SLC13A2: variants seen among roughly 807,000 people sequenced by gnomAD.
SLC13A2 encodes Na(+)-coupled citrate transporter.
A neutral mutation model predicts 58.5 loss-of-function variants in SLC13A2; 40 were observed. The observed-to-expected ratio is 0.68, with a 90% CI of 0.53 to 0.89. The LOEUF (loss-of-function observed/expected upper bound fraction) is 0.89, where lower values mean the gene tolerates loss of function less well. Ranked by LOEUF, SLC13A2 falls within the 40% of genes least tolerant of loss-of-function variation. The pLI is 0.00. For missense variants in SLC13A2, 694 were observed against 772.6 expected (o/e 0.90, Z 1.21); for synonymous variants, 341 against 331.6 (o/e 1.03, Z -0.31).
At chr17:28,489,404 C>T in intron 2 of SLC13A2, 62 bp downstream of exon 2, 1 of 1,543,758 alleles carries the variant, frequency 6.5e-7, no homozygotes, top group Admixed American at 1.9e-5. Context: ...GGTGGGTTCC[C>T]TCAGCCCTTG....
chr17:28,476,445 C>T (rs534992874), intron 1 of SLC13A2, among the ~76,000 whole-genome samples: 3 of 152,088 alleles, frequency 2.0e-5, no homozygotes, highest in Non-Finnish European at 4.4e-5. Context: ...ACACTGGCTT[C>T]CTGTCAAACT....
Position 28,490,593 on chromosome 17 carries a change from G to A in SLC13A2, c.368+3G>A. ...ATCGTTGGGGTGCGGCCTGCCCCGT[G>A]AGTTCCTCCTGCAAACCAGCACGGG... is the stretch of plus-strand genomic sequence containing the variant. On this transcript the variant is annotated splice_donor_region_variant and intron_variant, in intron 3 of 11. Transcript: ENST00000314669. The A allele has an allele frequency of 6.3e-7, 1 of 1,594,910 alleles. No individual in the cohort carries two copies. The highest frequency in any genetic ancestry group is 8.6e-7 in the Non-Finnish European group (1 of 1,166,706).
intron 1 of SLC13A2, among the ~76,000 whole-genome samples, chr17:28,474,834 G>C (rs1443405866): frequency 6.6e-6 from 1 of 152,114 alleles, no homozygotes; most frequent in Non-Finnish European, 1.5e-5. Context: ...CCACCCTGCT[G>C]CCTCCTGCCC....
At chr17:28,478,998 G>A (rs1230927446) in intron 1 of SLC13A2, among the ~76,000 whole-genome samples, 2 of 152,052 alleles carry the variant, frequency 1.3e-5, no homozygotes, top group Non-Finnish European at 2.9e-5. Flanking sequence ...TGGGTGGATC[G>A]CTTGAGTTCA....
chr17:28,492,182 G>A (rs1386570441), intron 6 of SLC13A2, among the ~76,000 whole-genome samples: 1 of 152,178 alleles, frequency 6.6e-6, no homozygotes, highest in Non-Finnish European at 1.5e-5. Flanking sequence ...CACTGAGCAT[G>A]GTTAGTTACA....
chr17:28,476,227 C>T (rs569430274), intron 1 of SLC13A2, among the ~76,000 whole-genome samples: 1 of 152,252 alleles, frequency 6.6e-6, no homozygotes, highest in South Asian at 2.1e-4. Context: ...TCCCCGCCCT[C>T]GGATCCACTG....
intron 6 of SLC13A2, among the ~76,000 whole-genome samples, chr17:28,492,234 A>T (rs1382106692): frequency 1.3e-5 from 2 of 152,196 alleles, no homozygotes; most frequent in East Asian, 3.8e-4. Flanking sequence ...GGTTGTGTGT[A>T]AGGCACTGAG....
chr17:28,483,841 A>G (rs1249613143), intron 1 of SLC13A2, among the ~76,000 whole-genome samples: 1 of 152,222 alleles, frequency 6.6e-6, no homozygotes, highest in African/African-American at 2.4e-5. Context: ...TTGCCCAAGG[A>G]CACACAGCAG....
In SLC13A2 at chr17:28,493,785, G is replaced by A. The variant is rs2151462554; in HGVS notation, c.1093G>A (p.Glu365Lys). 1 of 1,614,168 alleles carries A rather than the reference G, an allele frequency of 6.2e-7. No individual in the cohort carries two copies. Among genetic ancestry groups the A allele is most frequent in the Non-Finnish European group, 8.5e-7 (1 of 1,180,040 alleles). ...GNLAFPNAKG[E>K]SMVSDGTVAI... ...TTTGGCTTTTCCCAATGCCAAGGGG[G>A]AGAGGTGAGAGTTGCAGGGGTTGGG... is the stretch of plus-strand genomic sequence containing the variant. The change falls in exon 7 of 12, where the codon GAG (glutamate) becomes AAG (lysine). Residue 365 changes from glutamate (E) to lysine (K), a missense_variant. Transcript: ENST00000314669.
In SLC13A2 at chr17:28,495,741, C is replaced by A; in HGVS notation, c.1395C>A (p.Leu465=). 6.2e-7 allele frequency: 1 copy of A among 1,613,452 alleles called. No individual in the cohort carries two copies. Among genetic ancestry groups the A allele is most frequent in the Non-Finnish European group, 8.5e-7 (1 of 1,179,980 alleles). ...PAPAIAIILS[L]LVATFTECTS... is the part of the protein sequence containing the mutation. ...CAGCCATTGCCATCATCCTCTCCCTCCTGGTGGCCACCTTCACCGAGTGCA... is the reference window on the plus strand; with the variant it reads ...CAGCCATTGCCATCATCCTCTCCCTACTGGTGGCCACCTTCACCGAGTGCA... Residue 465 remains leucine, a synonymous_variant, in exon 10 of 12, where the codon CTC becomes CTA. Coordinates refer to ENST00000314669, the MANE Select transcript of SLC13A2 (RefSeq NM_003984.4).
intron 1 of SLC13A2, 138 bp downstream of exon 1, chr17:28,473,952 T>G: frequency 1.4e-6 from 1 of 711,356 alleles, no homozygotes; most frequent in Admixed American, 2.4e-5. Flanking sequence ...CGCCCCCTGC[T>G]CCTCCTGAGG....
chr17:28,489,420 A>G, intron 2 of SLC13A2, 78 bp downstream of exon 2: 1 of 1,500,968 alleles, frequency 6.7e-7, no homozygotes, highest in South Asian at 1.3e-5. Context: ...CCTTGTTGAC[A>G]AAGGAAGCCT....
intron 2 of SLC13A2, 61 bp from the exon 3 acceptor site, chr17:28,490,393 C>A (rs782127634): frequency 1.9e-6 from 3 of 1,613,914 alleles, no homozygotes; most frequent in African/African-American, 2.7e-5. Flanking sequence ...CCCATAACCT[C>A]GGGGGCACCG....
chr17:28,495,366 T>A (rs1193406394), intron 9 of SLC13A2, among the ~76,000 whole-genome samples: 1 of 151,628 alleles, frequency 6.6e-6, no homozygotes, highest in South Asian at 2.1e-4. Flanking sequence ...AAGGCAGGAG[T>A]CAGTGCGGTC....
chr17:28,485,826 A>C (rs1472269187), intron 1 of SLC13A2, among the ~76,000 whole-genome samples: 1 of 151,638 alleles, frequency 6.6e-6, no homozygotes, highest in Non-Finnish European at 1.5e-5. Flanking sequence ...TCTCTACAAA[A>C]GATACAAAAA....
chr17:28,476,551 C>A (rs531740479), intron 1 of SLC13A2, among the ~76,000 whole-genome samples: 48 of 152,134 alleles, frequency 3.2e-4, no homozygotes, highest in Admixed American at 3.1e-3. Flanking sequence ...CGCTCACTCT[C>A]CCCCACCCTC....
chr17:28,491,461 C>A lies in SLC13A2; in HGVS notation c.599C>A (p.Thr200Lys), dbSNP rs200761343. The change falls in exon 5 of 12, where the codon ACG (threonine) becomes AAG (lysine). Residue 200 changes from threonine to lysine, a missense_variant. By Grantham distance (78) the Thr-to-Lys change is moderately conservative. Transcript: ENST00000314669. ...GATAATGGGCAGGCCCTCCCTGTCA[C>A]GTCTGCCTCTTCGGAGGGGAGGGCA... ...KLDNGQALPV[T>K]SASSEGRAHL... 7.4e-6 allele frequency: 12 copies of A among 1,613,710 alleles called. No homozygotes were observed. Among genetic ancestry groups the A allele is most frequent in the South Asian group, 2.2e-5 (2 of 91,084 alleles).
Position 28,490,458 on chromosome 17 carries a change from C to T in SLC13A2, c.236C>T (p.Ala79Val). The T allele has an allele frequency of 6.2e-7, 1 of 1,614,066 alleles. No homozygotes were observed. The highest frequency in any genetic ancestry group is 8.5e-7 in the Non-Finnish European group (1 of 1,180,008). Residue 79 changes from alanine to valine, a missense_variant, in exon 3 of 12, where the codon GCC becomes GTC. Physicochemically the swap from Ala to Val is moderately conservative, Grantham distance 64. Coordinates refer to ENST00000314669, the MANE Select transcript of SLC13A2 (RefSeq NM_003984.4). ...AGCCATGTCTCCACCTGCCAGGTTG[C>T]CGTCGAGTATCTTAAGGACTCCAAC... ...MMGIVDASEV[A>V]VEYLKDSNLL...
intron 1 of SLC13A2, among the ~76,000 whole-genome samples, chr17:28,477,302 T>C (rs1305104741): frequency 6.8e-6 from 1 of 146,370 alleles, no homozygotes; most frequent in African/African-American, 2.5e-5. Context: ...CATGCCATTC[T>C]CCTGCCTTAG....
Sources: allele counts gnomAD v4.1 joint callset (sites outside exome capture counted in the v4.1 genomes callset), GRCh38; gene constraint gnomAD v4.1.1; transcripts MANE v1.5; gene names NCBI Gene and HGNC (gene_info 2026-07-23, HGNC 2026-07-21).